Variants in NEDD4L observed in about 807,000 individuals in gnomAD.
The protein encoded by NEDD4L is NEDD4 like E3 ubiquitin protein ligase, also known as E3 ubiquitin-protein ligase NEDD4-like.
Under a neutral mutation model 148.9 loss-of-function variants are expected in NEDD4L, and 54 were observed. The observed-to-expected ratio is 0.36, with a 90% CI of 0.29 to 0.45. The LOEUF is 0.45. Ranked by LOEUF, NEDD4L falls within the 20% of genes least tolerant of loss-of-function variation. The pLI, the probability that NEDD4L is intolerant of heterozygous loss-of-function variation, is 1.00. For synonymous variants in NEDD4L, 433 were observed against 440.7 expected, an observed-to-expected ratio of 0.98 and a Z score of 0.22; for missense variants, 856 against 1,233.8, an observed-to-expected ratio of 0.69 and a Z score of 4.59.
At chr18:58,315,878 C>A in intron 5 of NEDD4L, 104 bp from the exon 6 acceptor site, 1 of 1,025,216 alleles carries the variant, frequency 9.8e-7, no homozygotes, top group Non-Finnish European at 1.6e-6. Context: ...CATTCCAGTG[C>A]CAGGCCCTGG....
At chr18:58,201,607 T>A (rs1371266175) in intron 2 of NEDD4L, among the ~76,000 whole-genome samples, 1 of 152,224 alleles carries the variant, frequency 6.6e-6, no homozygotes, top group Non-Finnish European at 1.5e-5. Context: ...AGTTCACCAC[T>A]AACTTGATAC....
At chr18:58,152,542 G>T (rs184157461) in intron 1 of NEDD4L, among the ~76,000 whole-genome samples, 9 of 152,340 alleles carry the variant, frequency 5.9e-5, no homozygotes, top group Admixed American at 3.3e-4. Flanking sequence ...AAAAATGTAT[G>T]TAAATAGCAT....
intron 5 of NEDD4L, among the ~76,000 whole-genome samples, chr18:58,263,654 C>T (rs1474832486): frequency 3.1e-5 from 4 of 127,670 alleles, no homozygotes; most frequent in African/African-American, 1.2e-4. Flanking sequence ...AATCCTACTT[C>T]TTAGGCTTTT....
chr18:58,396,182 C>T lies in NEDD4L; in HGVS notation c.2841C>T (p.Asp947=). ...PRAHTCFNRL[D]LPPYETFEDL... ...CCTTTTGCAGCTTTAATCGCCTTGACTTACCTCCATATGAAACCTTTGAAG... is the reference window on the plus strand; with the variant it reads ...CCTTTTGCAGCTTTAATCGCCTTGATTTACCTCCATATGAAACCTTTGAAG... Residue 947 remains aspartate (D), a synonymous_variant, in exon 31 of 31, where the codon GAC becomes GAT. Transcript: ENST00000400345. 6.2e-7 allele frequency: 1 copy of T among 1,613,084 alleles called. No homozygotes were observed. Among genetic ancestry groups the T allele is most frequent in the Non-Finnish European group, 8.5e-7 (1 of 1,179,246 alleles).
rs199582650 is a variant in NEDD4L, at chr18:58,343,058, C to T, written c.1530C>T (p.Asn510=). The change falls in exon 16 of 31, where the codon AAC becomes AAT. Residue 510 remains asparagine (N), a synonymous_variant. Transcript: ENST00000400345. ...PPGWEMRIAP[N]GRPFFIDHNT... ...GCTGGGAAATGAGGATAGCGCCAAA[C>T]GGCCGGCCCTTCTTCATTGATCATA... is the stretch of plus-strand genomic sequence containing the variant. The T allele has an allele frequency of 1.0e-4, 161 of 1,612,280 alleles. No homozygotes were observed. In the East Asian group the frequency reaches 1.4e-3, roughly 14 times the overall value.
rs374060825 is a variant in NEDD4L, at chr18:58,059,839, C to T, written c.48+15131C>T. On this transcript the variant is annotated intron_variant, in intron 1 of 30. Transcript: ENST00000400345. ...GTTAACTAGCTTGAATTAACCATTC[C>T]GCAGTGTGTATGTATTTCGAAATAA... Among the ~76,000 whole-genome samples, 317 of 152,164 alleles carry T rather than the reference C, an allele frequency of 2.1e-3. 2 individuals carry two copies. Among genetic ancestry groups the T allele is most frequent in the African/African-American group, 7.2e-3 (300 of 41,502 alleles).
intron 4 of NEDD4L, among the ~76,000 whole-genome samples, chr18:58,249,914 C>T (rs2047694497): frequency 1.3e-5 from 2 of 152,188 alleles, no homozygotes; most frequent in African/African-American, 4.8e-5. Flanking sequence ...TGAAATTACC[C>T]TGTGGAGGAC....
chr18:58,372,425 A>G (rs1313677010), intron 23 of NEDD4L: 1 of 152,080 alleles, frequency 6.6e-6, no homozygotes, highest in East Asian at 1.9e-4. Flanking sequence ...AGTCTAGAAC[A>G]TTCTTTATCC....
At position 58,360,919 on chromosome 18, in the gene NEDD4L, C is replaced by A. The variant is rs186891694; in HGVS notation, c.1768-3349C>A. 3.3e-5 allele frequency among the ~76,000 whole-genome samples: 5 copies of A among 152,212 alleles called. No homozygotes were observed. In the East Asian group the frequency reaches 9.6e-4, roughly 29 times the overall value. On this transcript the variant is annotated intron_variant, in intron 19 of 30. Transcript: ENST00000400345. The stretch of plus-strand genomic sequence containing the variant: ...GTCAGTATAACTGTGGACCTCATAC[C>A]CACTTTGGCACAGGCTTGGAGTATG...
chr18:58,313,219 C>A (rs1400408921), intron 5 of NEDD4L, among the ~76,000 whole-genome samples: 1 of 152,140 alleles, frequency 6.6e-6, no homozygotes, highest in Non-Finnish European at 1.5e-5. Flanking sequence ...TAATAAGAGC[C>A]TTCCGTTTCC....
At chr18:58,124,402 C>G (rs952844381) in intron 1 of NEDD4L, among the ~76,000 whole-genome samples, 1 of 152,208 alleles carries the variant, frequency 6.6e-6, no homozygotes, top group East Asian at 1.9e-4. Context: ...CTCGATGGCT[C>G]CTCCTTGGTC....
At chr18:58,215,141 G>C (rs1285127484) in intron 2 of NEDD4L, among the ~76,000 whole-genome samples, 1 of 151,978 alleles carries the variant, frequency 6.6e-6, no homozygotes, top group Non-Finnish European at 1.5e-5. Context: ...TATGTGTGAG[G>C]GTTTCTGTAG....
chr18:58,064,450 T>G (rs576722271), intron 1 of NEDD4L, among the ~76,000 whole-genome samples: 11 of 152,334 alleles, frequency 7.2e-5, no homozygotes, highest in Non-Finnish European at 1.6e-4. Flanking sequence ...TTATTAAAAC[T>G]CTATCATCTG....
intron 4 of NEDD4L, among the ~76,000 whole-genome samples, chr18:58,249,232 A>G (rs1052802397): frequency 2.1e-4 from 32 of 152,360 alleles, no homozygotes; most frequent in African/African-American, 6.5e-4. Context: ...AATATCATTT[A>G]TGAGAATGGT....
At chr18:58,142,005 A>G (rs1477637012) in intron 1 of NEDD4L, among the ~76,000 whole-genome samples, 1 of 54,024 alleles carries the variant, frequency 1.9e-5, no homozygotes, top group Non-Finnish European at 3.9e-5. Context: ...TGTCTACCCC[A>G]CCCCCCCGAC....
intron 1 of NEDD4L, among the ~76,000 whole-genome samples, chr18:58,096,557 CA>C (rs2084424730): frequency 6.6e-6 from 1 of 152,112 alleles, no homozygotes; most frequent in Admixed American, 6.5e-5. Flanking sequence ...GCATGCACCA[CA>C]ATGCCTGGCT....
intron 3 of NEDD4L, among the ~76,000 whole-genome samples, chr18:58,247,903 G>T (rs1261734584): frequency 1.3e-5 from 2 of 152,222 alleles, no homozygotes; most frequent in South Asian, 4.1e-4. Flanking sequence ...TGAATTCACT[G>T]TGGAGTTGTG....
At chr18:58,113,902 A>G (rs2085583057) in intron 1 of NEDD4L, among the ~76,000 whole-genome samples, 1 of 152,122 alleles carries the variant, frequency 6.6e-6, no homozygotes, top group African/African-American at 2.4e-5. Context: ...CTTCCTGCCC[A>G]AGACCGAGAT....
intron 1 of NEDD4L, among the ~76,000 whole-genome samples, chr18:58,048,929 T>G (rs907213341): frequency 2.6e-5 from 4 of 152,332 alleles, no homozygotes; most frequent in Non-Finnish European, 5.9e-5. Context: ...AAGGCTAACC[T>G]TTGGCGTGGA....
Sources: gnomAD v4.1 joint callset for allele counts (sites outside exome capture counted in the v4.1 genomes callset) on GRCh38, gnomAD v4.1.1 for gene constraint, MANE v1.5 for transcripts, NCBI Gene and HGNC (gene_info 2026-07-23, HGNC 2026-07-21) for gene names.